The following ACTN2 variants were observed in gnomAD, a reference collection of about 807,000 sequenced individuals.
ACTN2 encodes alpha-actinin-2.
A neutral mutation model predicts 113.8 loss-of-function variants in ACTN2; 39 were observed. That is an observed-to-expected ratio of 0.34 (90% CI 0.27 to 0.45). The LOEUF (loss-of-function observed/expected upper bound fraction) is 0.45, where lower values mean the gene tolerates loss of function less well. Among genes scored for constraint, ACTN2 ranks in the 20% least tolerant of loss-of-function variants. The pLI is 1.00. For synonymous variants in ACTN2, 429 were observed against 444.1 expected (o/e 0.97, Z 0.43); for missense variants, 992 against 1,177.9 (o/e 0.84, Z 2.31).
chr1:236,686,623 C>G lies in ACTN2; in HGVS notation c.-51C>G. 2 of 1,516,906 alleles carry G rather than the reference C, an allele frequency of 1.3e-6. No individual in the cohort carries two copies. Among genetic ancestry groups the G allele is most frequent in the Non-Finnish European group, 8.8e-7 (1 of 1,131,148 alleles). The allele number at this position is 1,516,906 out of a possible 1,614,324, so 94.0% of individuals were successfully genotyped here. ...CCGTGGGTCCGTTTGCCAGTCAGCCCGTGCGTCCGAGCCCCTCGCGCCCCG... is the reference window on the plus strand; with the variant it reads ...CCGTGGGTCCGTTTGCCAGTCAGCCGGTGCGTCCGAGCCCCTCGCGCCCCG... On this transcript the variant is annotated 5_prime_UTR_variant, in exon 1 of 21. Transcript: ENST00000366578.
At chr1:236,715,456 A>G (rs549217291) in intron 1 of ACTN2, among the ~76,000 whole-genome samples, 2 of 152,200 alleles carry the variant, frequency 1.3e-5, no homozygotes, top group South Asian at 4.1e-4. Context: ...AATTATCTAT[A>G]GTGTTGTCCA....
At chr1:236,704,293 C>G (rs1001932950) in intron 1 of ACTN2, among the ~76,000 whole-genome samples, 1 of 152,202 alleles carries the variant, frequency 6.6e-6, no homozygotes, top group African/African-American at 2.4e-5. Flanking sequence ...CACACCACAA[C>G]AGTCAACCCA....
intron 2 of ACTN2, 84 bp downstream of exon 2, chr1:236,718,056 G>GCTTTGAA: frequency 9.0e-7 from 1 of 1,105,158 alleles, no homozygotes; most frequent in African/African-American, 1.5e-5. Flanking sequence ...TCAGAAGTTC[G>GCTTTGAA]CTTTGAACTT....
In ACTN2 at chr1:236,739,465, C is replaced by A. The variant is rs727504590; in HGVS notation, c.1040C>A (p.Thr347Lys). The stretch of plus-strand genomic sequence containing the variant: ...TGCCAGCTGGAGATCAACTTCAACA[C>A]GCTGCAGACCAAGCTGCGGATCAGC... ...EKCQLEINFN[T>K]LQTKLRISNR... The change falls in exon 10 of 21, where the codon ACG becomes AAG. Residue 347 changes from threonine (T) to lysine (K), a missense_variant. Transcript: ENST00000366578. 1.9e-6 allele frequency: 3 copies of A among 1,614,082 alleles called. No individual in the cohort carries two copies. The highest frequency in any genetic ancestry group is 2.5e-6 in the Non-Finnish European group (3 of 1,180,060).
At chr1:236,725,689 T>A (rs1658528141) in intron 4 of ACTN2, among the ~76,000 whole-genome samples, 2 of 152,164 alleles carry the variant, frequency 1.3e-5, no homozygotes, top group African/African-American at 4.8e-5. Context: ...CCCTGAAGTC[T>A]AGTTTTAGTG....
rs142223565 is a variant in ACTN2, at chr1:236,764,154, C to T, written c.*1535C>T. On this transcript the variant is annotated 3_prime_UTR_variant, in exon 21 of 21. Transcript: ENST00000366578. ...CTTGACTCTTCTTCCTACACTGGGC[C>T]ATTTAGAACCTTCAACCTTTATGAA... 9.4e-4 allele frequency: 143 copies of T among 152,266 alleles called. 1 individual carries two copies. The highest frequency in any genetic ancestry group is 3.3e-3 in the African/African-American group (138 of 41,538). 9.4% of individuals were successfully genotyped at this position (152,266 alleles called of 1,614,324 possible). A position where few individuals can be genotyped will look rare whatever the true frequency, so the allele number is the denominator to read the frequency against.
At chr1:236,688,449 C>T (rs959245008) in intron 1 of ACTN2, among the ~76,000 whole-genome samples, 3 of 151,772 alleles carry the variant, frequency 2.0e-5, no homozygotes, top group African/African-American at 7.3e-5. Context: ...ATTGACATCC[C>T]TTCTGCCATA....
At chr1:236,742,057 C>T (rs577747040) in intron 10 of ACTN2, among the ~76,000 whole-genome samples, 1 of 152,258 alleles carries the variant, frequency 6.6e-6, no homozygotes, top group Admixed American at 6.5e-5. Context: ...CCTACTTCCT[C>T]ACATCACTGT....
At chr1:236,719,057 T>C in intron 3 of ACTN2, 44 bp downstream of exon 3, 1 of 1,611,662 alleles carries the variant, frequency 6.2e-7, no homozygotes, top group Non-Finnish European at 8.5e-7. Context: ...ACTGACCTAA[T>C]AGCGTAGGTG....
rs750405065 is a variant in ACTN2 at position 236,751,544 on chromosome 1, C to T, written c.1731C>T (p.Ala577=). The T allele has an allele frequency of 4.0e-5, 64 of 1,614,074 alleles. No individual in the cohort carries two copies. Among genetic ancestry groups the T allele is most frequent in the Non-Finnish European group, 5.3e-5 (63 of 1,179,996 alleles). ...ACGGAGAGCGGCAGTCCATCATGGC[C>T]ATCCAGAACGAGGTGGAGAAGGTGA... ...EADGERQSIM[A]IQNEVEKVIQ... The change falls in exon 15 of 21, where the codon GCC becomes GCT. Residue 577 remains alanine (A), a synonymous_variant. Transcript: ENST00000366578.
intron 15 of ACTN2, among the ~76,000 whole-genome samples, chr1:236,751,853 A>C (rs1659406177): frequency 6.6e-6 from 1 of 152,224 alleles, no homozygotes; most frequent in African/African-American, 2.4e-5. Flanking sequence ...GTGGGGAAAG[A>C]AAGCAGAGAT....
Position 236,739,399 on chromosome 1 carries a change from A to G in ACTN2, c.974A>G (p.Asp325Gly). The change falls in exon 10 of 21, where the codon GAT becomes GGT. Residue 325 changes from aspartate (D) to glycine (G), a missense_variant. Coordinates refer to ENST00000366578, the MANE Select transcript of ACTN2 (RefSeq NM_001103.4). Reference sequence around the variant, plus strand: ...CAGAAGAAGCTGGAGGACTTCCGGGATTACCGCCGGAAGCACAAGCCACCC... The same window carrying G: ...CAGAAGAAGCTGGAGGACTTCCGGGGTTACCGCCGGAAGCACAAGCCACCC... ...AMQKKLEDFR[D>G]YRRKHKPPKV... 1.2e-6 allele frequency: 2 copies of G among 1,614,028 alleles called. No individual in the cohort carries two copies. The highest frequency in any genetic ancestry group is 1.7e-6 in the Non-Finnish European group (2 of 1,180,014).
Position 236,745,040 on chromosome 1 carries a change from G to A in ACTN2, c.1406+264G>A, listed in dbSNP as rs184616736. ...TCCAGCAAGATGAGAAATAAGTCTGGAATATTGGGGCCCAGAAAGCTATGG... is the reference window on the plus strand; with the variant it reads ...TCCAGCAAGATGAGAAATAAGTCTGAAATATTGGGGCCCAGAAAGCTATGG... On this transcript the variant is annotated intron_variant, in intron 12 of 20. Coordinates refer to ENST00000366578, the MANE Select transcript of ACTN2 (RefSeq NM_001103.4). Among the ~76,000 whole-genome samples the A allele has an allele frequency of 8.1e-4, 123 of 152,264 alleles. No homozygotes were observed. The Middle Eastern group carries it at 0.01, about 13-fold the overall frequency.
At chr1:236,741,969 C>G (rs922096650) in intron 10 of ACTN2, among the ~76,000 whole-genome samples, 3 of 152,224 alleles carry the variant, frequency 2.0e-5, no homozygotes, top group Non-Finnish European at 4.4e-5. Flanking sequence ...CACCCCCTGC[C>G]TGCCGTCCTT....
At chr1:236,695,198 C>A (rs1184153037) in intron 1 of ACTN2, among the ~76,000 whole-genome samples, 3 of 137,212 alleles carry the variant, frequency 2.2e-5, no homozygotes, top group Non-Finnish European at 4.6e-5. Flanking sequence ...GAAACCCAGT[C>A]TCTACTAAAA....
chr1:236,691,586 C>T (rs774268134), intron 1 of ACTN2, among the ~76,000 whole-genome samples: 7 of 151,518 alleles, frequency 4.6e-5, no homozygotes, highest in East Asian at 2.0e-4. Flanking sequence ...TTGAGGTTGC[C>T]GTGAGCTGTG....
intron 13 of ACTN2, 98 bp from the exon 14 acceptor site, chr1:236,749,026 A>G (rs1312794477): frequency 3.9e-6 from 5 of 1,297,174 alleles, no homozygotes; most frequent in Non-Finnish European, 5.5e-6. Flanking sequence ...GATTAACAGA[A>G]TATCAGAGAA....
At chr1:236,736,910 CGT>C in intron 8 of ACTN2, 2 of 613,488 alleles carry the variant, frequency 3.3e-6, no homozygotes, top group South Asian at 3.8e-5. Flanking sequence ...ATCAGCCTGC[CGT>C]GTAAGTCTGT....
chr1:236,747,024 C>T (rs1659258043), intron 12 of ACTN2, among the ~76,000 whole-genome samples: 2 of 152,306 alleles, frequency 1.3e-5, no homozygotes, highest in South Asian at 2.1e-4. Flanking sequence ...CTTCCCTCCC[C>T]AGTCACTGTG....
Sources: gnomAD v4.1 joint callset for allele counts (sites outside exome capture counted in the v4.1 genomes callset) on GRCh38, gnomAD v4.1.1 for gene constraint, MANE v1.5 for transcripts, NCBI Gene and HGNC (gene_info 2026-07-23, HGNC 2026-07-21) for gene names.